NDUFAF2: variants seen among roughly 807,000 people sequenced by gnomAD.
The protein encoded by NDUFAF2 is NADH:ubiquinone oxidoreductase complex assembly factor 2.
In NDUFAF2, 13 loss-of-function variants were observed where a neutral mutation model predicts 22.8. The ratio of observed to expected loss-of-function variants is 0.57; its 90% CI spans 0.37 to 0.91. NDUFAF2 has a LOEUF of 0.91. Among genes scored for constraint, NDUFAF2 ranks in the 40% least tolerant of loss-of-function variants. The pLI, the probability that NDUFAF2 is intolerant of heterozygous loss-of-function variation, is 0.01. For missense variants in NDUFAF2, 162 were observed against 195.2 expected, an observed-to-expected ratio of 0.83 and a Z score of 1.01; for synonymous variants, 53 against 64.2, an observed-to-expected ratio of 0.83 and a Z score of 0.84.
chr5:61,024,432 A>G (rs1385432871), intron 1 of NDUFAF2, among the ~76,000 whole-genome samples: 1 of 152,072 alleles, frequency 6.6e-6, no homozygotes, highest in Non-Finnish European at 1.5e-5. Context: ...TAGGCCTCAT[A>G]TATGTTAAGT....
At chr5:61,007,530 A>G (rs1015375228) in intron 1 of NDUFAF2, among the ~76,000 whole-genome samples, 20 of 152,368 alleles carry the variant, frequency 1.3e-4, no homozygotes, top group African/African-American at 4.8e-4. Context: ...ACCTTTATGC[A>G]GCCAAAAAAC....
intron 3 of NDUFAF2, among the ~76,000 whole-genome samples, chr5:61,121,935 A>C (rs1412153466): frequency 6.6e-6 from 1 of 151,640 alleles, no homozygotes; most frequent in Non-Finnish European, 1.5e-5. Context: ...GGTTCAAGCA[A>C]TTCCCGTGCC....
chr5:61,144,074 A>C (rs983820881), intron 3 of NDUFAF2, among the ~76,000 whole-genome samples: 1 of 151,370 alleles, frequency 6.6e-6, no homozygotes, highest in Non-Finnish European at 1.5e-5. Flanking sequence ...TTCCCTAATA[A>C]AGGGCTGAGC....
chr5:61,110,202 A>G (rs183763698), intron 3 of NDUFAF2, among the ~76,000 whole-genome samples: 1 of 151,616 alleles, frequency 6.6e-6, no homozygotes, highest in East Asian at 1.9e-4. Context: ...GTTTGCTAGT[A>G]TTTTGTTGAG....
intron 1 of NDUFAF2, among the ~76,000 whole-genome samples, chr5:60,995,166 G>C (rs1017482491): frequency 2.0e-5 from 3 of 152,130 alleles, no homozygotes; most frequent in African/African-American, 4.8e-5. Context: ...ACGTGTCTCT[G>C]TTTCTCCCAA....
At chr5:60,987,248 A>G (rs113029276) in intron 1 of NDUFAF2, among the ~76,000 whole-genome samples, 2,402 of 152,246 alleles carry the variant, frequency 0.016, 76 homozygotes, top group African/African-American at 0.055. Context: ...ATCCCTGAAC[A>G]GACCGATAAT....
Position 60,996,589 on chromosome 5 carries a change from T to A in NDUFAF2, c.127+51207T>A, listed in dbSNP as rs140940761. Among the ~76,000 whole-genome samples the A allele has an allele frequency of 5.9e-3, 895 of 152,258 alleles. 10 individuals carry two copies. Among genetic ancestry groups the A allele is most frequent in the African/African-American group, 0.02 (843 of 41,534 alleles). Reference sequence around the variant, plus strand: ...TCCAGTCCACTGTCGCTGAGCCTAGTTCAACACCAGGATTCATCCAAGAGT... The same window carrying A: ...TCCAGTCCACTGTCGCTGAGCCTAGATCAACACCAGGATTCATCCAAGAGT... On this transcript the variant is annotated intron_variant, in intron 1 of 3. Transcript: ENST00000296597.
At chr5:60,957,353 C>G (rs1425293859) in intron 1 of NDUFAF2, among the ~76,000 whole-genome samples, 1 of 152,112 alleles carries the variant, frequency 6.6e-6, no homozygotes, top group Non-Finnish European at 1.5e-5. Flanking sequence ...CTTTTAAACA[C>G]AAGCACTCCT....
At chr5:61,077,799 G>T (rs1580124498) in intron 2 of NDUFAF2, among the ~76,000 whole-genome samples, 1 of 152,160 alleles carries the variant, frequency 6.6e-6, no homozygotes, top group African/African-American at 2.4e-5. Flanking sequence ...AGCAGAAAAA[G>T]AGTCTGTGGG....
chr5:61,105,773 T>C (rs1377883880), intron 3 of NDUFAF2, among the ~76,000 whole-genome samples: 1 of 151,348 alleles, frequency 6.6e-6, no homozygotes, highest in Admixed American at 6.6e-5. Context: ...ATGAAAATGA[T>C]AGTGAAGGAA....
chr5:61,028,948 T>C (rs891502661), intron 1 of NDUFAF2, among the ~76,000 whole-genome samples: 1 of 151,042 alleles, frequency 6.6e-6, no homozygotes, highest in African/African-American at 2.4e-5. Context: ...ATGTGTACAC[T>C]AGGCTTACTC....
chr5:61,131,217 G>A (rs295571), intron 3 of NDUFAF2, among the ~76,000 whole-genome samples: 121,611 of 149,230 alleles, frequency 0.81, 50,064 homozygotes, highest in East Asian at 1. Flanking sequence ...TTTTTTTGAG[G>A]CAGGGTCTCA....
intron 3 of NDUFAF2, among the ~76,000 whole-genome samples, chr5:61,123,903 C>T (rs1440386316): frequency 6.6e-6 from 1 of 151,826 alleles, no homozygotes; most frequent in African/African-American, 2.4e-5. Context: ...ATGATCTGAC[C>T]CTGTTATTTT....
chr5:60,984,752 T>C (rs1751044967), intron 1 of NDUFAF2, among the ~76,000 whole-genome samples: 1 of 152,228 alleles, frequency 6.6e-6, no homozygotes, highest in African/African-American at 2.4e-5. Flanking sequence ...GCCCACTTGA[T>C]CATGGTGGAT....
At chr5:61,136,042 TCTAG>T (rs1318995361) in intron 3 of NDUFAF2, among the ~76,000 whole-genome samples, 34 of 123,388 alleles carry the variant, frequency 2.8e-4, no homozygotes, top group Admixed American at 6.2e-4. Context: ...TATATATATA[TCTAG>T]GGTGGATTGC....
chr5:61,045,066 G>GTTATTAAATTTTAATAAAATAAAATAAAA (rs1751931342), intron 1 of NDUFAF2, among the ~76,000 whole-genome samples: 1 of 130,710 alleles, frequency 7.7e-6, no homozygotes, highest in African/African-American at 2.7e-5. Context: ...GTAAAATAAA[G>GTTATTAAATTTTAATAAAATAAAATAAAA]TTTTATTAAA....
At chr5:61,151,093 C>A (rs1454532445) in intron 3 of NDUFAF2, among the ~76,000 whole-genome samples, 1 of 152,154 alleles carries the variant, frequency 6.6e-6, no homozygotes. Context: ...ATGGGCCCTT[C>A]TTCACATCTA....
intron 3 of NDUFAF2, among the ~76,000 whole-genome samples, chr5:61,110,895 T>G (rs776048607): frequency 2.0e-5 from 3 of 152,070 alleles, no homozygotes; most frequent in African/African-American, 7.2e-5. Context: ...TGTAATTCTT[T>G]AACTTTCATT....
At chr5:61,104,934 A>G (rs1752744505) in intron 3 of NDUFAF2, among the ~76,000 whole-genome samples, 1 of 152,132 alleles carries the variant, frequency 6.6e-6, no homozygotes, top group Admixed American at 6.6e-5. Context: ...ATTGGCTACA[A>G]TTTTCAATTC....
Sources: allele counts gnomAD v4.1 joint callset (sites outside exome capture counted in the v4.1 genomes callset), GRCh38; gene constraint gnomAD v4.1.1; transcripts MANE v1.5; gene names NCBI Gene and HGNC (gene_info 2026-07-23, HGNC 2026-07-21).